The following SNTG1 variants were observed in gnomAD, a reference collection of about 807,000 sequenced individuals.
SNTG1 encodes syntrophin gamma 1.
In SNTG1, 39 loss-of-function variants were observed where a neutral mutation model predicts 74.7. That is an observed-to-expected ratio of 0.52 (90% CI 0.40 to 0.68). The LOEUF is 0.68. SNTG1 is among the 30% of genes least tolerant of loss of function. The probability of loss-of-function intolerance (pLI) is 0.00; values close to 1 mark genes in which losing one functional copy is unlikely to be tolerated. For synonymous variants in SNTG1, 254 were observed against 217.1 expected, an observed-to-expected ratio of 1.17 and a Z score of -1.49; for missense variants, 685 against 609.5, an observed-to-expected ratio of 1.12 and a Z score of -1.30.
intron 2 of SNTG1, among the ~76,000 whole-genome samples, chr8:50,199,681 C>T (rs529127081): frequency 1.3e-5 from 2 of 152,314 alleles, no homozygotes; most frequent in East Asian, 1.9e-4. Context: ...AGGTCGTCAG[C>T]TGCCCTGTTT....
In SNTG1 at chr8:50,172,633, C is replaced by T. The variant is rs1383482978; in HGVS notation, c.-30C>T. ...AGAAAAATATTGCTGTACCTAAATT[C>T]AAGTAAGACCATTACTTTGCAATAA... On this transcript the variant is annotated splice_region_variant and 5_prime_UTR_variant, in exon 2 of 19. Coordinates refer to ENST00000642720, the MANE Select transcript of SNTG1 (RefSeq NM_018967.5). 1 of 151,914 alleles carries T rather than the reference C, an allele frequency of 6.6e-6. No homozygotes were observed. Among genetic ancestry groups the T allele is most frequent in the Non-Finnish European group, 1.5e-5 (1 of 68,022 alleles). The allele number at this position is 151,914 out of a possible 1,614,324, so 9.4% of individuals were successfully genotyped here.
chr8:50,429,690 G>A (rs1347982142), intron 4 of SNTG1, among the ~76,000 whole-genome samples: 1 of 152,008 alleles, frequency 6.6e-6, no homozygotes, highest in Non-Finnish European at 1.5e-5. Context: ...TATCAATACA[G>A]TGAAAAGACA....
intron 17 of SNTG1, among the ~76,000 whole-genome samples, chr8:50,724,390 T>C (rs2095495049): frequency 6.6e-6 from 1 of 152,148 alleles, no homozygotes; most frequent in African/African-American, 2.4e-5. Context: ...CTCGGGCTAA[T>C]AATAAGTAAT....
At chr8:50,525,106 G>A (rs989719454) in intron 9 of SNTG1, among the ~76,000 whole-genome samples, 2 of 151,980 alleles carry the variant, frequency 1.3e-5, no homozygotes, top group Non-Finnish European at 2.9e-5. Flanking sequence ...AAGAAGATCT[G>A]TATTTCTCCC....
rs2093576027 is a variant in SNTG1, at chr8:50,462,794, C to CTTTTTTTTTTTTTTTTTTTTT, written c.363+12066_363+12067insTTTTTTTTTTTTTTTTTTTTT. ...AACTCAGTCGCATCTTCAGGTTCTA[C>CTTTTTTTTTTTTTTTTTTTTT]TCTTTTTTTTTTTTTTTTTTTTTTT... On this transcript the variant is annotated intron_variant, in intron 8 of 18. Coordinates refer to ENST00000642720, the MANE Select transcript of SNTG1 (RefSeq NM_018967.5). 2.3e-4 allele frequency among the ~76,000 whole-genome samples: 10 copies of CTTTTTTTTTTTTTTTTTTTTT among 43,626 alleles called. 4 individuals are homozygous for CTTTTTTTTTTTTTTTTTTTTT. The highest frequency in any genetic ancestry group is 1.7e-3 in the South Asian group (2 of 1,178). The allele number at this position is 43,626 out of a possible 152,430, so 28.6% of individuals were successfully genotyped here. A position where few individuals can be genotyped will look rare whatever the true frequency, so the allele number is the denominator to read the frequency against.
At chr8:50,417,356 T>C (rs2093027694) in intron 4 of SNTG1, among the ~76,000 whole-genome samples, 1 of 152,190 alleles carries the variant, frequency 6.6e-6, no homozygotes, top group Non-Finnish European at 1.5e-5. Flanking sequence ...AACTGACTTC[T>C]ATTTCAGAGT....
chr8:50,389,748 G>T (rs939531668), intron 2 of SNTG1, among the ~76,000 whole-genome samples: 4 of 152,132 alleles, frequency 2.6e-5, no homozygotes, highest in African/African-American at 7.2e-5. Context: ...AGCACCTGTT[G>T]TTTCCTGACT....
chr8:50,061,685 T>C (rs1820484096), intron 1 of SNTG1, among the ~76,000 whole-genome samples: 1 of 152,264 alleles, frequency 6.6e-6, no homozygotes, highest in East Asian at 1.9e-4. Context: ...ATATTCTATA[T>C]CTTCATATTA....
In SNTG1 at chr8:50,046,089, T is replaced by A. The variant is rs528501223; in HGVS notation, c.-102-126472T>A. Among the ~76,000 whole-genome samples, 5 of 152,362 alleles carry A rather than the reference T, an allele frequency of 3.3e-5. No individual in the cohort carries two copies. In the East Asian group the frequency reaches 9.6e-4, roughly 29 times the overall value. On this transcript the variant is annotated intron_variant, in intron 1 of 18. Transcript: ENST00000642720. ...AAATTATCTTGTGCTTGTGATCTAA[T>A]AAAATTGTATTTATGGGCACTGAAA...
chr8:49,956,055 T>C (rs1424753943), intron 1 of SNTG1, among the ~76,000 whole-genome samples: 1 of 152,218 alleles, frequency 6.6e-6, no homozygotes, highest in Non-Finnish European at 1.5e-5. Context: ...ATCAAAGAAG[T>C]CTCCTGAAGT....
intron 4 of SNTG1, among the ~76,000 whole-genome samples, chr8:50,425,174 A>AT (rs1272317529): frequency 7.2e-5 from 11 of 151,850 alleles, no homozygotes; most frequent in South Asian, 2.1e-4. Context: ...GCAAAAAGGG[A>AT]TTTTTTTTGT....
intron 1 of SNTG1, among the ~76,000 whole-genome samples, chr8:50,061,830 G>A (rs747632963): frequency 3.9e-5 from 6 of 152,036 alleles, no homozygotes; most frequent in Admixed American, 6.6e-5. Flanking sequence ...TATTGTCAGA[G>A]AATTTCAATT....
chr8:50,482,691 T>C (rs992419055), intron 8 of SNTG1, among the ~76,000 whole-genome samples: 1 of 152,282 alleles, frequency 6.6e-6, no homozygotes, highest in South Asian at 2.1e-4. Flanking sequence ...CGAGGACACA[T>C]AGATGCAAGG....
chr8:50,657,538 A>G (rs1023886302), intron 14 of SNTG1, among the ~76,000 whole-genome samples: 1 of 152,132 alleles, frequency 6.6e-6, no homozygotes, highest in African/African-American at 2.4e-5. Context: ...GCAAAGAATA[A>G]TAAGGAAATT....
At chr8:50,260,684 T>A (rs185925365) in intron 2 of SNTG1, among the ~76,000 whole-genome samples, 1 of 145,140 alleles carries the variant, frequency 6.9e-6, no homozygotes, top group African/African-American at 2.5e-5. Flanking sequence ...TAAGAGCTAA[T>A]GGAAAAAAAA....
chr8:50,489,887 A>G (rs6988489), intron 8 of SNTG1, among the ~76,000 whole-genome samples: 130,872 of 152,124 alleles, frequency 0.86, 56,410 homozygotes, highest in Non-Finnish European at 0.89. Flanking sequence ...TTCTTCTAGG[A>G]TTTTCATGGT....
At chr8:50,230,671 C>G (rs545126316) in intron 2 of SNTG1, among the ~76,000 whole-genome samples, 2 of 151,242 alleles carry the variant, frequency 1.3e-5, no homozygotes, top group South Asian at 4.2e-4. Flanking sequence ...CTTTAATAAA[C>G]GTTGTAGAGA....
At chr8:50,284,639 G>C (rs1431041663) in intron 2 of SNTG1, among the ~76,000 whole-genome samples, 2 of 152,094 alleles carry the variant, frequency 1.3e-5, no homozygotes, top group Admixed American at 1.3e-4. Flanking sequence ...TTTCTCCAAG[G>C]AGTCATTGTT....
chr8:49,949,271 C>T (rs780312667), intron 1 of SNTG1, among the ~76,000 whole-genome samples: 14 of 152,082 alleles, frequency 9.2e-5, no homozygotes, highest in African/African-American at 1.7e-4. Context: ...ACACAAGAAT[C>T]GATGTCATCA....
Sources: gnomAD v4.1 joint callset for allele counts (sites outside exome capture counted in the v4.1 genomes callset) on GRCh38, gnomAD v4.1.1 for gene constraint, MANE v1.5 for transcripts, NCBI Gene and HGNC (gene_info 2026-07-23, HGNC 2026-07-21) for gene names.